TFEC: variants seen among roughly 807,000 people sequenced by gnomAD.
The protein encoded by TFEC is class E basic helix-loop-helix protein 34.
In TFEC, 31 loss-of-function variants were observed where a neutral mutation model predicts 41.6. The observed-to-expected ratio is 0.74, with a 90% CI of 0.56 to 1.01. TFEC has a LOEUF of 1.01. TFEC is among the 50% of genes least tolerant of loss of function. The probability of loss-of-function intolerance (pLI) is 0.00; values close to 1 mark genes in which losing one functional copy is unlikely to be tolerated. For missense variants in TFEC, 402 were observed against 404.1 expected (o/e 0.99, Z 0.04); for synonymous variants, 143 against 140.6 (o/e 1.02, Z -0.12).
intron 3 of TFEC, among the ~76,000 whole-genome samples, chr7:116,056,137 A>G (rs1466085428): frequency 6.6e-6 from 1 of 152,126 alleles, no homozygotes; most frequent in African/African-American, 2.4e-5. Context: ...ACCTTTCAAG[A>G]GACTAGACAT....
At chr7:116,090,060 A>C (rs1179213793) in intron 3 of TFEC, among the ~76,000 whole-genome samples, 1 of 152,166 alleles carries the variant, frequency 6.6e-6, no homozygotes, top group Non-Finnish European at 1.5e-5. Flanking sequence ...AATTGAAAGG[A>C]AAACCCTAAC....
rs901417968 is a variant in TFEC at position 115,939,939 on chromosome 7, G to A, written c.*612C>T. ...ACAATAAAATGAGGATCTAATTTTA[G>A]TAACCAATGTTTTTATAAGTTATCC... On this transcript the variant is annotated 3_prime_UTR_variant, in exon 8 of 8. Transcript: ENST00000265440. The A allele has an allele frequency of 1.3e-5, 2 of 152,030 alleles. No homozygotes were observed. Among genetic ancestry groups the A allele is most frequent in the African/African-American group, 4.8e-5 (2 of 41,418 alleles). 9.4% of individuals were successfully genotyped at this position (152,030 alleles called of 1,614,324 possible). A position where few individuals can be genotyped will look rare whatever the true frequency, so the allele number is the denominator to read the frequency against.
At chr7:116,153,372 G>A (rs1005264403) in intron 1 of TFEC, among the ~76,000 whole-genome samples, 1 of 152,028 alleles carries the variant, frequency 6.6e-6, no homozygotes, top group Non-Finnish European at 1.5e-5. Flanking sequence ...TCCTGCCTCC[G>A]CTTCCTGAGT....
intron 1 of TFEC, among the ~76,000 whole-genome samples, chr7:116,116,646 T>C (rs896947969): frequency 6.6e-6 from 1 of 151,934 alleles, no homozygotes; most frequent in Non-Finnish European, 1.5e-5. Context: ...GCACAGTGCC[T>C]GTAAGGCCCC....
At chr7:116,148,748 G>A (rs548838193) in intron 1 of TFEC, among the ~76,000 whole-genome samples, 6 of 152,188 alleles carry the variant, frequency 3.9e-5, no homozygotes, top group Non-Finnish European at 7.3e-5. Context: ...TTAGACATCA[G>A]TGTGTAGATG....
In TFEC at chr7:115,956,665, A is replaced by G; in HGVS notation, c.382+14T>C. 6.3e-7 allele frequency: 1 copy of G among 1,577,066 alleles called. No homozygotes were observed. The highest frequency in any genetic ancestry group is 1.4e-5 in the African/African-American group (1 of 73,548). On this transcript the variant is annotated intron_variant, in intron 4 of 7. Coordinates refer to ENST00000265440, the MANE Select transcript of TFEC (RefSeq NM_012252.4). ...ATAAAAATAAAAAGGGTAAAACTAT[A>G]AAAGCAACATTACCTGTAATTTCTC...
At chr7:116,070,147 T>A (rs929260370) in intron 3 of TFEC, among the ~76,000 whole-genome samples, 1 of 151,084 alleles carries the variant, frequency 6.6e-6, no homozygotes, top group Non-Finnish European at 1.5e-5. Context: ...TATATGTATA[T>A]GTGTGTGTGT....
intron 3 of TFEC, among the ~76,000 whole-genome samples, chr7:116,053,424 C>CTGA (rs1554410259): frequency 6.6e-6 from 1 of 152,150 alleles, no homozygotes; most frequent in Non-Finnish European, 1.5e-5. Context: ...GCTGCTGCTG[C>CTGA]TGATGATGAC....
intron 1 of TFEC, among the ~76,000 whole-genome samples, chr7:115,989,551 C>G (rs1258296457): frequency 2.0e-5 from 3 of 152,140 alleles, no homozygotes; most frequent in Non-Finnish European, 2.9e-5. Context: ...CACCCTAATA[C>G]TGCGCTTTTC....
intron 3 of TFEC, among the ~76,000 whole-genome samples, chr7:116,084,223 T>C (rs2131066693): frequency 6.6e-6 from 1 of 152,040 alleles, no homozygotes; most frequent in South Asian, 2.1e-4. Flanking sequence ...CCAGCATCTT[T>C]TCAAGCTTTG....
intron 3 of TFEC, among the ~76,000 whole-genome samples, chr7:115,964,667 G>T (rs1300746380): frequency 6.6e-6 from 1 of 151,406 alleles, no homozygotes; most frequent in Admixed American, 6.6e-5. Flanking sequence ...TAGAATTTTG[G>T]TAATTTAATA....
At chr7:116,159,582 C>T (rs993964506) in intron 1 of TFEC, among the ~76,000 whole-genome samples, 2 of 152,132 alleles carry the variant, frequency 1.3e-5, no homozygotes, top group East Asian at 1.9e-4. Context: ...ACCAGTGAAG[C>T]ATTATAATCA....
At chr7:116,086,579 C>A (rs888939821) in intron 3 of TFEC, among the ~76,000 whole-genome samples, 2 of 151,448 alleles carry the variant, frequency 1.3e-5, no homozygotes, top group Admixed American at 6.6e-5. Context: ...AGTACCCCCC[C>A]ACTGTTTTCC....
intron 1 of TFEC, among the ~76,000 whole-genome samples, chr7:116,000,370 C>T (rs1303909999): frequency 2.0e-5 from 3 of 152,044 alleles, no homozygotes; most frequent in African/African-American, 7.2e-5. Flanking sequence ...AGGAAAAAAA[C>T]TGAAATCCTT....
chr7:116,110,966 C>A, intron 2 of TFEC: 1 of 1,161,080 alleles, frequency 8.6e-7, no homozygotes, highest in South Asian at 2.0e-5. Flanking sequence ...CTGTAAAACA[C>A]ATACAAAATA....
intron 3 of TFEC, among the ~76,000 whole-genome samples, chr7:115,962,873 T>A (rs968710445): frequency 2.0e-5 from 3 of 151,980 alleles, no homozygotes; most frequent in African/African-American, 7.2e-5. Context: ...TTTATTATAC[T>A]TTAAGTTCTA....
At chr7:116,051,353 A>G (rs928998147) in intron 3 of TFEC, among the ~76,000 whole-genome samples, 2 of 152,204 alleles carry the variant, frequency 1.3e-5, no homozygotes, top group African/African-American at 4.8e-5. Context: ...TAATCCCCAT[A>G]TTACAAATGA....
intron 1 of TFEC, among the ~76,000 whole-genome samples, chr7:116,133,616 T>C (rs1798377891): frequency 1.3e-5 from 2 of 152,116 alleles, no homozygotes; most frequent in Non-Finnish European, 2.9e-5. Context: ...AATTTAATCA[T>C]TTAAATTAAA....
chr7:116,090,398 T>C (rs1797298578), intron 3 of TFEC, among the ~76,000 whole-genome samples: 2 of 152,144 alleles, frequency 1.3e-5, no homozygotes, highest in Admixed American at 1.3e-4. Flanking sequence ...TCCCACACTG[T>C]GGAGTGTACT....
Sources: allele counts gnomAD v4.1 joint callset (sites outside exome capture counted in the v4.1 genomes callset), GRCh38; gene constraint gnomAD v4.1.1; transcripts MANE v1.5; gene names NCBI Gene and HGNC (gene_info 2026-07-23, HGNC 2026-07-21).